CFAP77: variants seen among roughly 807,000 people sequenced by gnomAD.
The protein encoded by CFAP77 is cilia- and flagella-associated protein 77.
A neutral mutation model predicts 31.1 loss-of-function variants in CFAP77; 25 were observed. That is an observed-to-expected ratio of 0.80 (90% confidence interval 0.59 to 1.12). CFAP77 has a LOEUF of 1.12. Among genes scored for constraint, CFAP77 ranks in the 50% most tolerant of loss-of-function variants. CFAP77 has a pLI of 0.00. For synonymous variants in CFAP77, 151 were observed against 159.9 expected (o/e 0.94, Z 0.42); for missense variants, 377 against 397.3 (o/e 0.95, Z 0.44).
In CFAP77 at chr9:132,562,560, A is replaced by G. The variant is rs573311122; in HGVS notation, c.733-9828A>G. On this transcript the variant is annotated intron_variant, in intron 5 of 5. Coordinates refer to ENST00000393216, the MANE Select transcript of CFAP77 (RefSeq NM_001282957.2). Reference sequence around the variant, plus strand: ...CGTTGGGTTTTTGAGATTCATGCACATTGGTTCTGATAGACCTGGAACAAC... The same window carrying G: ...CGTTGGGTTTTTGAGATTCATGCACGTTGGTTCTGATAGACCTGGAACAAC... 3.3e-5 allele frequency among the ~76,000 whole-genome samples: 5 copies of G among 152,230 alleles called. 1 individual carries two copies. The highest frequency in any genetic ancestry group is 9.6e-5 in the African/African-American group (4 of 41,546).
intron 1 of CFAP77, among the ~76,000 whole-genome samples, chr9:132,417,433 A>G (rs377682645): frequency 7.2e-5 from 11 of 152,262 alleles, no homozygotes; most frequent in Non-Finnish European, 1.5e-5. Context: ...TTTTCACACA[A>G]CTACAAAAGA....
intron 3 of CFAP77, among the ~76,000 whole-genome samples, chr9:132,507,750 G>C (rs1851957000): frequency 6.6e-6 from 1 of 152,146 alleles, no homozygotes; most frequent in South Asian, 2.1e-4. Flanking sequence ...AGCCATCCCA[G>C]AGATCCGAGG....
intron 3 of CFAP77, among the ~76,000 whole-genome samples, chr9:132,535,365 C>G (rs993932568): frequency 3.9e-5 from 6 of 152,172 alleles, no homozygotes; most frequent in South Asian, 4.1e-4. Flanking sequence ...CCTCATGGTT[C>G]TTTTTATCCT....
intron 3 of CFAP77, chr9:132,513,421 G>GCA: frequency 6.8e-7 from 1 of 1,476,328 alleles, no homozygotes; most frequent in Non-Finnish European, 9.0e-7. Flanking sequence ...AGGCCCCTGT[G>GCA]CACACCTTCC....
Position 132,531,632 on chromosome 9 carries a change from G to C in CFAP77, c.525-5969G>C, listed in dbSNP as rs374301111. 3.9e-4 allele frequency among the ~76,000 whole-genome samples: 58 copies of C among 147,350 alleles called. 1 individual carries two copies. The East Asian group carries it at 6.1e-3, about 16-fold the overall frequency. ...TGGGCTTAGGCTAAGACATGGGGGG[G>C]GGGGCATGGAAGGCATTTTAAGCAA... On this transcript the variant is annotated intron_variant, in intron 3 of 5. Coordinates refer to ENST00000393216, the MANE Select transcript of CFAP77 (RefSeq NM_001282957.2).
chr9:132,437,348 A>G (rs1176266039), intron 1 of CFAP77, among the ~76,000 whole-genome samples: 6 of 152,204 alleles, frequency 3.9e-5, no homozygotes, highest in Admixed American at 3.3e-4. Context: ...GGTGCACTCC[A>G]GGAACAGAAA....
At chr9:132,519,372 A>G in intron 3 of CFAP77, among the ~76,000 whole-genome samples, 2 of 96,126 alleles carry the variant, frequency 2.1e-5, no homozygotes, top group Non-Finnish European at 4.1e-5. Context: ...GGTTGGGTGG[A>G]TGGATGGATA....
At chr9:132,441,229 A>T (rs1850611012) in intron 1 of CFAP77, among the ~76,000 whole-genome samples, 1 of 152,170 alleles carries the variant, frequency 6.6e-6, no homozygotes. Flanking sequence ...TGTGGGCCAG[A>T]TATTTTCATG....
intron 3 of CFAP77, among the ~76,000 whole-genome samples, chr9:132,526,532 G>A (rs546106722): frequency 2.3e-5 from 3 of 132,104 alleles, no homozygotes; most frequent in Admixed American, 7.7e-5. Flanking sequence ...GCGCCCGACC[G>A]GCAGTTTCTT....
At chr9:132,484,898 G>A (rs998788389) in intron 1 of CFAP77, among the ~76,000 whole-genome samples, 49 of 151,206 alleles carry the variant, frequency 3.2e-4, no homozygotes, top group African/African-American at 1.1e-3. Flanking sequence ...ACCCAGGCTG[G>A]AGTGCAGTGG....
At chr9:132,510,175 G>T (rs1011173375) in intron 3 of CFAP77, among the ~76,000 whole-genome samples, 5 of 152,156 alleles carry the variant, frequency 3.3e-5, no homozygotes, top group African/African-American at 1.2e-4. Flanking sequence ...GGAGCAGCTC[G>T]GTGCCAAGGT....
chr9:132,483,453 A>C (rs554732867), intron 1 of CFAP77, among the ~76,000 whole-genome samples: 1 of 152,262 alleles, frequency 6.6e-6, no homozygotes, highest in Admixed American at 6.5e-5. Flanking sequence ...GGGGACCTGC[A>C]GCAGCCACCC....
intron 5 of CFAP77, among the ~76,000 whole-genome samples, chr9:132,557,195 G>A (rs1852919165): frequency 6.6e-6 from 1 of 152,172 alleles, no homozygotes; most frequent in African/African-American, 2.4e-5. Flanking sequence ...GACGGGAAAC[G>A]GGAAGGGGTC....
At chr9:132,479,821 G>C (rs1410488855) in intron 1 of CFAP77, among the ~76,000 whole-genome samples, 1 of 152,206 alleles carries the variant, frequency 6.6e-6, no homozygotes, top group African/African-American at 2.4e-5. Flanking sequence ...GAGAGGCAGT[G>C]AATATTCTCA....
intron 5 of CFAP77, among the ~76,000 whole-genome samples, chr9:132,567,696 C>G (rs569972021): frequency 6.6e-6 from 1 of 152,284 alleles, no homozygotes; most frequent in Admixed American, 6.5e-5. Flanking sequence ...GTTCTGGAGG[C>G]CAGACCAACA....
At chr9:132,532,043 G>A (rs1256848907) in intron 3 of CFAP77, among the ~76,000 whole-genome samples, 1 of 152,182 alleles carries the variant, frequency 6.6e-6, no homozygotes, top group Non-Finnish European at 1.5e-5. Context: ...TATAAATTAG[G>A]CTGCTCAGAA....
chr9:132,483,108 C>A (rs1297409806), intron 1 of CFAP77, among the ~76,000 whole-genome samples: 1 of 151,734 alleles, frequency 6.6e-6, no homozygotes, highest in African/African-American at 2.4e-5. Context: ...ACACTCTCTA[C>A]TAAAAATAGG....
chr9:132,422,062 G>T (rs1247130103), intron 1 of CFAP77, among the ~76,000 whole-genome samples: 1 of 151,822 alleles, frequency 6.6e-6, no homozygotes, highest in Non-Finnish European at 1.5e-5. Context: ...AGGCTGGAGT[G>T]CAATGGCACA....
chr9:132,497,259 G>A lies in CFAP77; in HGVS notation c.196-1436G>A, dbSNP rs554678279. Among the ~76,000 whole-genome samples, 2 of 152,298 alleles carry A rather than the reference G, an allele frequency of 1.3e-5. No homozygotes were observed. The highest frequency in any genetic ancestry group is 2.4e-5 in the African/African-American group (1 of 41,558). ...TATTTCAGAGGCAGTGATGAGCCAC[G>A]CTGGGTGGTCCTTGACCATCTGTCT... On this transcript the variant is annotated intron_variant, in intron 1 of 5. Transcript: ENST00000393216. This position sits in a 1 kb window ranked among gnomAD's most constrained non-coding sequence, Gnocchi z 4.9.
Sources: gnomAD v4.1 joint callset for allele counts (sites outside exome capture counted in the v4.1 genomes callset) on GRCh38, gnomAD v4.1.1 for gene constraint, Gnocchi (gnomAD v3.1) non-coding constraint, MANE v1.5 for transcripts, NCBI Gene and HGNC (gene_info 2026-07-23, HGNC 2026-07-21) for gene names.